Variants in KRT77 observed in about 807,000 individuals in gnomAD.
The protein encoded by KRT77 is keratin 77, also known as keratin, type II cytoskeletal 1b.
Under a neutral mutation model 51.5 loss-of-function variants are expected in KRT77, and 44 were observed. The ratio of observed to expected loss-of-function variants is 0.85; its 90% CI spans 0.67 to 1.10. The LOEUF (loss-of-function observed/expected upper bound fraction) is 1.10, where lower values mean the gene tolerates loss of function less well. Ranked by LOEUF, KRT77 falls within the 50% of genes least tolerant of loss-of-function variation. The pLI, the probability that KRT77 is intolerant of heterozygous loss-of-function variation, is 0.00. For missense variants in KRT77, 763 were observed against 743.9 expected (o/e 1.03, Z -0.30); for synonymous variants, 293 against 302.0 (o/e 0.97, Z 0.31).
intron 1 of KRT77, among the ~76,000 whole-genome samples, chr12:52,700,250 C>A (rs1337477414): frequency 6.6e-6 from 1 of 152,072 alleles, no homozygotes; most frequent in Non-Finnish European, 1.5e-5. Flanking sequence ...ATAAAAAAAA[C>A]AGGCAAAATC....
intron 1 of KRT77, among the ~76,000 whole-genome samples, chr12:52,698,943 G>A (rs909166292): frequency 6.6e-6 from 1 of 152,220 alleles, no homozygotes; most frequent in African/African-American, 2.4e-5. Context: ...CGTGACACTA[G>A]TGAGGGTCCT....
In KRT77 at chr12:52,691,311, G is replaced by C; in HGVS notation, c.1591C>G (p.Arg531Gly). ...CCATAACCGCCTCCACTCCTGCCTC[G>C]TGCCCCGCCTCCGCGGTAGCTTCTT... is the stretch of plus-strand genomic sequence containing the variant. ...GGRSYRGGGA[R>G]GRSGGGYGSG... Residue 531 changes from arginine (R) to glycine (G), a missense_variant, in exon 9 of 9, where the codon CGA becomes GGA. Arg to Gly is a moderately radical substitution (Grantham distance 125). Transcript: ENST00000341809. 1 of 1,599,408 alleles carries C rather than the reference G, an allele frequency of 6.3e-7. No individual in the cohort carries two copies.
chr12:52,694,854 G>T (rs528852696), intron 4 of KRT77, 64 bp from the exon 5 acceptor site: 2 of 1,419,296 alleles, frequency 1.4e-6, no homozygotes, highest in African/African-American at 2.8e-5. Context: ...GTTTTCCTCT[G>T]CTGCTCCCTC....
intron 1 of KRT77, among the ~76,000 whole-genome samples, chr12:52,702,430 T>C (rs1941896969): frequency 6.6e-6 from 1 of 151,984 alleles, no homozygotes; most frequent in African/African-American, 2.4e-5. Context: ...TGTGTGTGTG[T>C]GTGTGTATAA....
At chr12:52,701,389 G>A (rs747832811) in intron 1 of KRT77, among the ~76,000 whole-genome samples, 7 of 152,062 alleles carry the variant, frequency 4.6e-5, no homozygotes, top group African/African-American at 7.2e-5. Context: ...ACCCTCCTCC[G>A]CCCGCTCACA....
chr12:52,701,443 C>T (rs1322017461), intron 1 of KRT77, among the ~76,000 whole-genome samples: 1 of 152,184 alleles, frequency 6.6e-6, no homozygotes, highest in Non-Finnish European at 1.5e-5. Context: ...AGAGGCCTGC[C>T]CTGCCACCCA....
chr12:52,691,463 C>T (rs1261845286), intron 8 of KRT77, 24 bp from the exon 9 acceptor site: 3 of 1,545,146 alleles, frequency 1.9e-6, no homozygotes, highest in African/African-American at 2.7e-5. Flanking sequence ...ACAGTGCACA[C>T]GGGGTCAGAG....
At chr12:52,698,814 G>A (rs1006728919) in intron 1 of KRT77, among the ~76,000 whole-genome samples, 35 of 152,178 alleles carry the variant, frequency 2.3e-4, no homozygotes, top group African/African-American at 7.7e-4. Context: ...GCATGCAGGC[G>A]CACACGCCCA....
Position 52,691,284 on chromosome 12 carries a change from T to TGCCATAACCGCC in KRT77, c.1606_1617dup (p.Gly536_Gly539dup), listed in dbSNP as rs1388085174. On this transcript the variant is annotated inframe_insertion, in exon 9 of 9. Coordinates refer to ENST00000341809, the MANE Select transcript of KRT77 (RefSeq NM_175078.3). ...CTCCCGCCACCGCCGCCGCAGCCGC[T>TGCCATAACCGCC]GCCATAACCGCCTCCACTCCTGCCT... is the stretch of plus-strand genomic sequence containing the variant. 2 of 1,600,470 alleles carry TGCCATAACCGCC rather than the reference T, an allele frequency of 1.2e-6. No homozygotes were observed. Among genetic ancestry groups the TGCCATAACCGCC allele is most frequent in the Admixed American group, 1.7e-5 (1 of 59,010 alleles).
rs544733771 is a variant in KRT77 at position 52,690,543 on chromosome 12, A to T, written c.*622T>A. ...GCAATCAGCAACTTCCCCCAAAGGG[A>T]TCATTATGTGGTCCCCAGCAGGGCA... On this transcript the variant is annotated 3_prime_UTR_variant, in exon 9 of 9. Coordinates refer to ENST00000341809, the MANE Select transcript of KRT77 (RefSeq NM_175078.3). 1 of 156,422 alleles carries T rather than the reference A, an allele frequency of 6.4e-6. No homozygotes were observed. The highest frequency in any genetic ancestry group is 2.4e-5 in the African/African-American group (1 of 41,540). The allele number at this position is 156,422 out of a possible 1,614,324, so 9.7% of individuals were successfully genotyped here. A position where few individuals can be genotyped will look rare whatever the true frequency, so the allele number is the denominator to read the frequency against.
At chr12:52,696,545 G>A (rs1015205231) in intron 2 of KRT77, 115 bp from the exon 3 acceptor site, 1 of 848,134 alleles carries the variant, frequency 1.2e-6, no homozygotes, top group Non-Finnish European at 1.9e-6. Flanking sequence ...CCTGGGTTCA[G>A]AGAACCCTGC....
intron 1 of KRT77, 111 bp from the exon 2 acceptor site, chr12:52,698,007 G>C: frequency 7.1e-7 from 1 of 1,403,542 alleles, no homozygotes; most frequent in Middle Eastern, 1.9e-4. Flanking sequence ...AATCAGGATG[G>C]CTCCTCCAAG....
intron 7 of KRT77, among the ~76,000 whole-genome samples, 185 bp from the exon 8 acceptor site, chr12:52,692,157 G>T (rs1329842509): frequency 1.3e-5 from 2 of 152,214 alleles, no homozygotes; most frequent in Non-Finnish European, 2.9e-5. Flanking sequence ...TTAGCATTGG[G>T]GGTGAATACC....
At position 52,691,390 on chromosome 12, in the gene KRT77, G is replaced by A. The variant is rs1397420962; in HGVS notation, c.1512C>T (p.Gly504=). The A allele has an allele frequency of 1.2e-6, 2 of 1,601,470 alleles. No individual in the cohort carries two copies. The highest frequency in any genetic ancestry group is 1.7e-6 in the Non-Finnish European group (2 of 1,177,390). The change falls in exon 9 of 9, where the codon GGC becomes GGT. Residue 504 remains glycine (G), a synonymous_variant. Coordinates refer to ENST00000341809, the MANE Select transcript of KRT77 (RefSeq NM_175078.3). The part of the protein sequence containing the change: ...VSVNGGAGGG[G]SYGSGGYGGG... Reference sequence around the variant, plus strand: ...CGCCGTAGCCTCCTGAGCCGTAGCTGCCGCCGCCTCCCGCGCCGCCGTTGA... The same window carrying A: ...CGCCGTAGCCTCCTGAGCCGTAGCTACCGCCGCCTCCCGCGCCGCCGTTGA...
intron 5 of KRT77, among the ~76,000 whole-genome samples, chr12:52,693,111 T>C (rs1237040351): frequency 6.6e-6 from 1 of 150,842 alleles, no homozygotes; most frequent in Non-Finnish European, 1.5e-5. Context: ...CACCAGTCTC[T>C]GGGCAGACTC....
chr12:52,699,922 T>C (rs182864071), intron 1 of KRT77, among the ~76,000 whole-genome samples: 2 of 152,364 alleles, frequency 1.3e-5, no homozygotes, highest in East Asian at 3.9e-4. Flanking sequence ...AAAAGTGTCA[T>C]GCACTCATGA....
At chr12:52,699,866 G>T (rs147136936) in intron 1 of KRT77, among the ~76,000 whole-genome samples, 161 of 152,348 alleles carry the variant, frequency 1.1e-3, no homozygotes, top group African/African-American at 3.7e-3. Flanking sequence ...TTCTCCAGGG[G>T]ACACAGTGGA....
chr12:52,697,948 C>A, intron 1 of KRT77, 52 bp from the exon 2 acceptor site: 1 of 1,543,776 alleles, frequency 6.5e-7, no homozygotes. Flanking sequence ...GAGCAGCTCC[C>A]CCATAAGTAG....
At chr12:52,693,268 T>A (rs1941744485) in intron 5 of KRT77, among the ~76,000 whole-genome samples, 2 of 150,364 alleles carry the variant, frequency 1.3e-5, no homozygotes, top group Admixed American at 6.6e-5. Flanking sequence ...CAGGATGATC[T>A]CCCTAGCAGT....
Sources: gnomAD v4.1 joint callset for allele counts (sites outside exome capture counted in the v4.1 genomes callset) on GRCh38, gnomAD v4.1.1 for gene constraint, MANE v1.5 for transcripts, NCBI Gene and HGNC (gene_info 2026-07-23, HGNC 2026-07-21) for gene names.